The following FGF2 variants were observed in gnomAD, a reference collection of about 807,000 sequenced individuals.
The protein encoded by FGF2 is fibroblast growth factor 2.
FGF2 carries 13 observed loss-of-function variants against 15.9 expected under a neutral mutation model. The ratio of observed to expected loss-of-function variants is 0.82; its 90% confidence interval spans 0.53 to 1.30. The LOEUF (loss-of-function observed/expected upper bound fraction) is 1.30. Ranked by LOEUF, FGF2 falls within the 50% of genes most tolerant of loss-of-function variation. The pLI, the probability that FGF2 is intolerant of heterozygous loss-of-function variation, is 0.00. For synonymous variants in FGF2, 90 were observed against 78.4 expected (o/e 1.15, Z -0.78); for missense variants, 163 against 196.9 (o/e 0.83, Z 1.03).
At chr4:122,828,473 A>G (rs1444277979) in intron 1 of FGF2, among the ~76,000 whole-genome samples, 1 of 152,116 alleles carries the variant, frequency 6.6e-6, no homozygotes, top group Non-Finnish European at 1.5e-5. Context: ...TTCCAGGTGG[A>G]GAATCTGATT....
intron 1 of FGF2, among the ~76,000 whole-genome samples, chr4:122,867,793 T>C (rs72672995): frequency 0.021 from 3,261 of 152,356 alleles, 59 homozygotes; most frequent in Non-Finnish European, 0.035. Flanking sequence ...TAATGATTTA[T>C]TCTCTTGTCA....
chr4:122,897,462 TGC>T lies in FGF2; in HGVS notation c.*5067_*5068del. ...GAATAAACTGTAATATTAGAAATTATGCTGCTAATTATATCAGCTCTGAGGTA... is the reference window on the plus strand; with the variant it reads ...GAATAAACTGTAATATTAGAAATTATTGCTAATTATATCAGCTCTGAGGTA... On this transcript the variant is annotated 3_prime_UTR_variant, in exon 3 of 3. Transcript: ENST00000644866. The T allele has an allele frequency of 1.6e-6, 1 of 643,910 alleles. No individual in the cohort carries two copies. Among genetic ancestry groups the T allele is most frequent in the South Asian group, 1.8e-5 (1 of 55,128 alleles). The allele number at this position is 643,910 out of a possible 1,614,324, so 39.9% of individuals were successfully genotyped here. A position where few individuals can be genotyped will look rare whatever the true frequency, so the allele number is the denominator to read the frequency against.
chr4:122,885,408 G>A (rs1340805196), intron 2 of FGF2, among the ~76,000 whole-genome samples: 1 of 152,092 alleles, frequency 6.6e-6, no homozygotes, highest in Non-Finnish European at 1.5e-5. Flanking sequence ...TCTGTATTTG[G>A]GCATAGTAGA....
intron 2 of FGF2, among the ~76,000 whole-genome samples, chr4:122,888,473 A>C (rs1367584611): frequency 6.6e-6 from 1 of 152,176 alleles, no homozygotes; most frequent in Non-Finnish European, 1.5e-5. Flanking sequence ...TTAGAATAAG[A>C]GCCAAATATT....
chr4:122,870,375 A>G (rs1292963893), intron 1 of FGF2, among the ~76,000 whole-genome samples: 2 of 152,076 alleles, frequency 1.3e-5, no homozygotes, highest in Non-Finnish European at 2.9e-5. Context: ...CTCCTTTTCA[A>G]TTGTTTGGAA....
chr4:122,865,518 T>C (rs1045405491), intron 1 of FGF2, among the ~76,000 whole-genome samples: 1 of 152,162 alleles, frequency 6.6e-6, no homozygotes, highest in African/African-American at 2.4e-5. Context: ...CTCGAACTCC[T>C]GATCTCAAGC....
chr4:122,887,491 T>G (rs1470209971), intron 2 of FGF2, among the ~76,000 whole-genome samples: 1 of 152,210 alleles, frequency 6.6e-6, no homozygotes, highest in Non-Finnish European at 1.5e-5. Context: ...GGATCAGTTT[T>G]TCATTATGTA....
intron 1 of FGF2, among the ~76,000 whole-genome samples, chr4:122,861,367 A>G (rs142758099): frequency 6.6e-6 from 1 of 152,174 alleles, no homozygotes; most frequent in Non-Finnish European, 1.5e-5. Context: ...AAGGGAACAT[A>G]TATCATTGTC....
In FGF2 at chr4:122,892,430, AAAG is replaced by A. The variant is rs750165063; in HGVS notation, c.*41_*43del. ...GCCACATCTAATCTCATTTCACATG[AAAG>A]AAGAAGTATATTTTAGAAATTTGTT... is the stretch of plus-strand genomic sequence containing the variant. On this transcript the variant is annotated 3_prime_UTR_variant, in exon 3 of 3. Coordinates refer to ENST00000644866, the MANE Select transcript of FGF2 (RefSeq NM_001361665.2). The A allele has an allele frequency of 3.3e-5, 53 of 1,611,568 alleles. No homozygotes were observed. In the African/African-American group the frequency reaches 4.3e-4, roughly 13 times the overall value.
At chr4:122,836,573 C>T (rs531478432) in intron 1 of FGF2, among the ~76,000 whole-genome samples, 22 of 152,228 alleles carry the variant, frequency 1.4e-4, no homozygotes, top group African/African-American at 4.8e-4. Context: ...ACCACATTAC[C>T]CAGTAGTTCT....
intron 1 of FGF2, among the ~76,000 whole-genome samples, chr4:122,841,733 C>A (rs550774279): frequency 6.6e-6 from 1 of 152,100 alleles, no homozygotes; most frequent in Non-Finnish European, 1.5e-5. Context: ...TTTGCTAGAC[C>A]GTCCACCCAA....
chr4:122,887,269 G>A (rs758534591), intron 2 of FGF2, among the ~76,000 whole-genome samples: 4 of 152,138 alleles, frequency 2.6e-5, no homozygotes, highest in Admixed American at 6.5e-5. Flanking sequence ...AGCCTAGATC[G>A]TGCCACTGCA....
chr4:122,873,640 A>G (rs1054929219), intron 1 of FGF2, among the ~76,000 whole-genome samples: 1 of 152,150 alleles, frequency 6.6e-6, no homozygotes, highest in Non-Finnish European at 1.5e-5. Context: ...GAATTTATTT[A>G]GGAGATGAAG....
intron 1 of FGF2, among the ~76,000 whole-genome samples, chr4:122,851,148 T>A (rs1462910408): frequency 6.6e-6 from 1 of 152,308 alleles, no homozygotes; most frequent in East Asian, 1.9e-4. Context: ...AATGAAGAGA[T>A]AACAGAGTGG....
chr4:122,845,943 C>A (rs1364071378), intron 1 of FGF2, among the ~76,000 whole-genome samples: 1 of 152,212 alleles, frequency 6.6e-6, no homozygotes, highest in East Asian at 1.9e-4. Flanking sequence ...TGACCTATCT[C>A]GGCTTTCAAC....
intron 1 of FGF2, among the ~76,000 whole-genome samples, chr4:122,862,215 T>G (rs1046289788): frequency 6.6e-6 from 1 of 152,232 alleles, no homozygotes; most frequent in Non-Finnish European, 1.5e-5. Flanking sequence ...ATGGAAACAC[T>G]GACTTGTCTG....
chr4:122,849,854 C>T, intron 1 of FGF2, among the ~76,000 whole-genome samples: 1 of 152,128 alleles, frequency 6.6e-6, no homozygotes, highest in East Asian at 1.9e-4. Context: ...TTGCTGAGGG[C>T]CCACTTGAGG....
chr4:122,893,190 C>T lies in FGF2; in HGVS notation c.*794C>T, dbSNP rs201412128. On this transcript the variant is annotated 3_prime_UTR_variant, in exon 3 of 3. Transcript: ENST00000644866. ...ACGGACCTGAATTCTGATTTTATAC[C>T]AGTCTCTTCAAAAACTTCTCGAACC... 191 of 1,612,048 alleles carry T rather than the reference C, an allele frequency of 1.2e-4. No homozygotes were observed. The highest frequency in any genetic ancestry group is 1.5e-4 in the Non-Finnish European group (182 of 1,178,948).
At chr4:122,852,185 T>C (rs541325954) in intron 1 of FGF2, among the ~76,000 whole-genome samples, 10 of 152,192 alleles carry the variant, frequency 6.6e-5, no homozygotes, top group Non-Finnish European at 1.2e-4. Context: ...TGGGTGCAAC[T>C]GCATAGTTCC....
Sources: allele counts gnomAD v4.1 joint callset (sites outside exome capture counted in the v4.1 genomes callset), GRCh38; gene constraint gnomAD v4.1.1; transcripts MANE v1.5; gene names NCBI Gene and HGNC (gene_info 2026-07-23, HGNC 2026-07-21).